Variants in NEDD4L observed in about 807,000 individuals in gnomAD.
NEDD4L encodes the protein NEDD4 like E3 ubiquitin protein ligase, also known as E3 ubiquitin-protein ligase NEDD4-like.
In NEDD4L, 54 loss-of-function variants were observed where a neutral mutation model predicts 148.9. That is an observed-to-expected ratio of 0.36 (90% CI 0.29 to 0.45). NEDD4L has a LOEUF of 0.45. Among genes scored for constraint, NEDD4L ranks in the 20% least tolerant of loss-of-function variants. The probability of loss-of-function intolerance (pLI) is 1.00; values close to 1 mark genes in which losing one functional copy is unlikely to be tolerated. For missense variants in NEDD4L, 856 were observed against 1,233.8 expected (o/e 0.69, Z 4.59); for synonymous variants, 433 against 440.7 (o/e 0.98, Z 0.22).
At chr18:58,058,832 A>G (rs1568154688) in intron 1 of NEDD4L, among the ~76,000 whole-genome samples, 1 of 152,154 alleles carries the variant, frequency 6.6e-6, no homozygotes, top group Non-Finnish European at 1.5e-5. Flanking sequence ...TGAATACTTC[A>G]CTGACAGCAA....
intron 2 of NEDD4L, among the ~76,000 whole-genome samples, chr18:58,241,222 G>C (rs1334756493): frequency 6.6e-6 from 1 of 152,156 alleles, no homozygotes; most frequent in Non-Finnish European, 1.5e-5. Flanking sequence ...TTACATAGAT[G>C]GTAAAACTGA....
chr18:58,254,560 CAAA>C (rs71173040), intron 5 of NEDD4L, among the ~76,000 whole-genome samples: 4 of 111,954 alleles, frequency 3.6e-5, no homozygotes, highest in African/African-American at 3.3e-5. Flanking sequence ...AAATTATTAC[CAAA>C]AAAAAAAAAA....
intron 1 of NEDD4L, among the ~76,000 whole-genome samples, chr18:58,103,271 TA>T (rs2084877830): frequency 7.9e-6 from 1 of 127,086 alleles, no homozygotes; most frequent in African/African-American, 4.8e-5. Context: ...TTATATATTA[TA>T]ATTATATATA....
At position 58,296,557 on chromosome 18, in the gene NEDD4L, C is replaced by T. The variant is rs1007015306; in HGVS notation, c.298-19425C>T. Among the ~76,000 whole-genome samples, 5 of 152,358 alleles carry T rather than the reference C, an allele frequency of 3.3e-5. No homozygotes were observed. The East Asian group carries it at 9.6e-4, about 29-fold the overall frequency. On this transcript the variant is annotated intron_variant, in intron 5 of 30. Transcript: ENST00000400345. ...CCAGCTTCTGGGGGCTGCCAGCGGGCTCCAGCCTCTGCCGCTGGGGCTGCC... is the reference window on the plus strand; with the variant it reads ...CCAGCTTCTGGGGGCTGCCAGCGGGTTCCAGCCTCTGCCGCTGGGGCTGCC...
chr18:58,341,700 G>T lies in NEDD4L; in HGVS notation c.1280G>T (p.Gly427Val). The T allele has an allele frequency of 6.2e-7, 1 of 1,613,630 alleles. No individual in the cohort carries two copies. The highest frequency in any genetic ancestry group is 8.5e-7 in the Non-Finnish European group (1 of 1,179,786). The change falls in exon 15 of 31, where the codon GGA (glycine) becomes GTA (valine). Residue 427 changes from glycine (G) to valine (V), a missense_variant. Transcript: ENST00000400345. ...TAGCTTGCAGAAGATGGTGCGTCCG[G>T]ATCAGCCACAAACAGTAACAACCAT... is the stretch of plus-strand genomic sequence containing the variant. ...IMQLAEDGAS[G>V]SATNSNNHLI...
At position 58,212,023 on chromosome 18, in the gene NEDD4L, G is replaced by A. The variant is rs140137330; in HGVS notation, c.123-33404G>A. On this transcript the variant is annotated intron_variant, in intron 2 of 30. Transcript: ENST00000400345. Reference sequence around the variant, plus strand: ...TAAACAAGCAATTCAACTTTTACAAGAAAATATAAGAACCTATTTTGTATA... The same window carrying A: ...TAAACAAGCAATTCAACTTTTACAAAAAAATATAAGAACCTATTTTGTATA... Among the ~76,000 whole-genome samples the A allele has an allele frequency of 3.3e-3, 495 of 152,296 alleles. 14 individuals are homozygous for A. Among genetic ancestry groups the A allele is most frequent in the Admixed American group, 0.029 (448 of 15,292 alleles).
At chr18:58,165,748 A>G (rs1277888524) in intron 1 of NEDD4L, 40 bp from the exon 2 acceptor site, 1 of 1,569,004 alleles carries the variant, frequency 6.4e-7, no homozygotes, top group Admixed American at 1.7e-5. Context: ...TTGATTGAAG[A>G]TCAGGTTTTT....
intron 1 of NEDD4L, among the ~76,000 whole-genome samples, chr18:58,048,140 T>G (rs1039891311): frequency 6.6e-6 from 1 of 152,194 alleles, no homozygotes; most frequent in Non-Finnish European, 1.5e-5. Context: ...AAAATCCGGC[T>G]TAATTGGGGC....
At position 58,206,392 on chromosome 18, in the gene NEDD4L, A is replaced by G. The variant is rs186237304; in HGVS notation, c.123-39035A>G. ...TGACATAGCGAGACTCCATCTCAAA[A>G]CAACAACAACAGCAACAACAACAAA... On this transcript the variant is annotated intron_variant, in intron 2 of 30. Coordinates refer to ENST00000400345, the MANE Select transcript of NEDD4L (RefSeq NM_001144967.3). Among the ~76,000 whole-genome samples, 3 of 152,088 alleles carry G rather than the reference A, an allele frequency of 2.0e-5. No individual in the cohort carries two copies. The East Asian group carries it at 5.8e-4, about 29-fold the overall frequency.
intron 1 of NEDD4L, among the ~76,000 whole-genome samples, chr18:58,107,261 G>A (rs2042026682): frequency 6.6e-6 from 1 of 152,206 alleles, no homozygotes; most frequent in African/African-American, 2.4e-5. Context: ...GGATTTCAAT[G>A]TATGAATTTT....
At chr18:58,374,621 G>T (rs1340849664) in intron 24 of NEDD4L, among the ~76,000 whole-genome samples, 1 of 151,912 alleles carries the variant, frequency 6.6e-6, no homozygotes, top group Non-Finnish European at 1.5e-5. Flanking sequence ...CCCCAGGACC[G>T]AGAGTACTGG....
chr18:58,222,779 C>A (rs1018309620), intron 2 of NEDD4L, among the ~76,000 whole-genome samples: 1 of 152,174 alleles, frequency 6.6e-6, no homozygotes, highest in East Asian at 1.9e-4. Context: ...TCAAAGCCTA[C>A]AGTCAAATCT....
At position 58,335,912 on chromosome 18, in the gene NEDD4L, A is replaced by C. The variant is rs532889092; in HGVS notation, c.1125+375A>C. 122 of 225,512 alleles carry C rather than the reference A, an allele frequency of 5.4e-4. 1 individual carries two copies. The highest frequency in any genetic ancestry group is 9.3e-4 in the Non-Finnish European group (104 of 112,292). The allele number at this position is 225,512 out of a possible 1,614,324, so 14.0% of individuals were successfully genotyped here. The stretch of plus-strand genomic sequence containing the variant: ...TCATCAAAGAAGCCACAGGAATTGC[A>C]TGAGACTGTGTGTGTGATTCCTGGA... On this transcript the variant is annotated intron_variant, in intron 13 of 30. Coordinates refer to ENST00000400345, the MANE Select transcript of NEDD4L (RefSeq NM_001144967.3).
At chr18:58,066,726 G>T (rs2082618260) in intron 1 of NEDD4L, among the ~76,000 whole-genome samples, 1 of 152,202 alleles carries the variant, frequency 6.6e-6, no homozygotes, top group South Asian at 2.1e-4. Flanking sequence ...TTCTGCTTCT[G>T]GGGAGGCCTC....
chr18:58,390,560 A>G, intron 28 of NEDD4L, 86 bp from the exon 29 acceptor site: 2 of 816,764 alleles, frequency 2.4e-6, no homozygotes, highest in East Asian at 5.4e-5. Context: ...CAATATAAAT[A>G]AGATTAAGTT....
At chr18:58,311,420 G>A (rs552043830) in intron 5 of NEDD4L, among the ~76,000 whole-genome samples, 1 of 152,284 alleles carries the variant, frequency 6.6e-6, no homozygotes, top group South Asian at 2.1e-4. Context: ...GGAGTTTGGT[G>A]GCACGATCAT....
intron 1 of NEDD4L, among the ~76,000 whole-genome samples, chr18:58,113,150 A>G (rs554924699): frequency 6.6e-6 from 1 of 152,358 alleles, no homozygotes; most frequent in South Asian, 2.1e-4. Context: ...ATAGTTTGTT[A>G]GAGGAACCCA....
intron 2 of NEDD4L, among the ~76,000 whole-genome samples, chr18:58,166,950 A>G (rs1009260632): frequency 3.3e-5 from 5 of 152,198 alleles, no homozygotes; most frequent in East Asian, 1.9e-4. Context: ...ATTAGTAAGC[A>G]CGCCTCTATT....
chr18:58,149,453 G>A (rs568696786), intron 1 of NEDD4L: 3 of 1,539,906 alleles, frequency 1.9e-6, no homozygotes, highest in South Asian at 1.2e-5. Context: ...CACGACTTCC[G>A]CATACTCTTC....
Sources: allele counts gnomAD v4.1 joint callset (sites outside exome capture counted in the v4.1 genomes callset), GRCh38; gene constraint gnomAD v4.1.1; transcripts MANE v1.5; gene names NCBI Gene and HGNC (gene_info 2026-07-23, HGNC 2026-07-21).